CFAP61: variants seen among roughly 807,000 people sequenced by gnomAD.
CFAP61 encodes cilia and flagella associated protein 61, also known as cilia- and flagella-associated protein 61.
Under a neutral mutation model 135.6 loss-of-function variants are expected in CFAP61, and 107 were observed. The observed-to-expected ratio is 0.79, with a 90% confidence interval of 0.67 to 0.93. CFAP61 has a LOEUF of 0.93. Ranked by LOEUF, CFAP61 falls within the 40% of genes least tolerant of loss-of-function variation. The pLI is 0.00. For synonymous variants in CFAP61, 575 were observed against 578.5 expected (o/e 0.99, Z 0.09); for missense variants, 1,507 against 1,556.2 (o/e 0.97, Z 0.53).
chr20:20,257,209 TC>T lies in CFAP61; in HGVS notation c.2328+5447del, dbSNP rs2051683309. Among the ~76,000 whole-genome samples, 5 of 152,328 alleles carry T rather than the reference TC, an allele frequency of 3.3e-5. No homozygotes were observed. The South Asian group carries it at 1.0e-3, about 32-fold the overall frequency. ...GTAATTATGTGTCCACCTAAATCTC[TC>T]ATATTTGAAAATAGCAGGTAGCCAT... On this transcript the variant is annotated intron_variant, in intron 20 of 26. Coordinates refer to ENST00000245957, the MANE Select transcript of CFAP61 (RefSeq NM_015585.4).
chr20:20,236,663 A>C (rs187827246), intron 18 of CFAP61, among the ~76,000 whole-genome samples: 5 of 152,330 alleles, frequency 3.3e-5, no homozygotes, highest in African/African-American at 4.8e-5. Flanking sequence ...CCCAAGAAAA[A>C]ACCTGCCCAT....
chr20:20,303,898 A>T (rs902792711), intron 25 of CFAP61, among the ~76,000 whole-genome samples: 1 of 152,050 alleles, frequency 6.6e-6, no homozygotes, highest in Non-Finnish European at 1.5e-5. Flanking sequence ...AATCCTTTGG[A>T]TCCTTCCTCT....
chr20:20,228,536 C>A, intron 18 of CFAP61, 160 bp downstream of exon 18: 1 of 575,788 alleles, frequency 1.7e-6, no homozygotes, highest in Non-Finnish European at 3.0e-6. Flanking sequence ...TATTCTAGAT[C>A]AGGGGTTAGC....
chr20:20,071,630 C>A (rs1388284059), intron 3 of CFAP61, among the ~76,000 whole-genome samples: 1 of 152,146 alleles, frequency 6.6e-6, no homozygotes, highest in African/African-American at 2.4e-5. Flanking sequence ...CAACTCTGGG[C>A]AGCACCCTGG....
intron 8 of CFAP61, among the ~76,000 whole-genome samples, chr20:20,125,916 T>A (rs1216994429): frequency 6.6e-6 from 1 of 151,826 alleles, no homozygotes; most frequent in Non-Finnish European, 1.5e-5. Context: ...CATATATGTT[T>A]AGGATTGTGA....
At chr20:20,122,078 G>T (rs1421995747) in intron 8 of CFAP61, among the ~76,000 whole-genome samples, 1 of 151,846 alleles carries the variant, frequency 6.6e-6, no homozygotes, top group South Asian at 2.1e-4. Context: ...TACTCTATTT[G>T]TAGTCTTTTA....
At chr20:20,357,510 A>AGT (rs767606780) in intron 26 of CFAP61, among the ~76,000 whole-genome samples, 1 of 32,638 alleles carries the variant, frequency 3.1e-5, no homozygotes, top group Non-Finnish European at 6.2e-5. Flanking sequence ...AGGTGGTCAC[A>AGT]CTGAGGGGAG....
At chr20:20,234,607 T>C (rs1275482634) in intron 18 of CFAP61, among the ~76,000 whole-genome samples, 1 of 152,132 alleles carries the variant, frequency 6.6e-6, no homozygotes, top group Non-Finnish European at 1.5e-5. Flanking sequence ...GGGATGGAGA[T>C]AAGGTTAGAA....
At chr20:20,246,648 T>C (rs1398425833) in intron 19 of CFAP61, among the ~76,000 whole-genome samples, 1 of 152,248 alleles carries the variant, frequency 6.6e-6, no homozygotes. Flanking sequence ...TGGGTGAGCT[T>C]TATTGTCTTC....
At chr20:20,203,151 A>G (rs1212075699) in intron 17 of CFAP61, among the ~76,000 whole-genome samples, 1 of 152,030 alleles carries the variant, frequency 6.6e-6, no homozygotes, top group Non-Finnish European at 1.5e-5. Context: ...CTATTAATTG[A>G]CAGCCTACCC....
chr20:20,187,785 A>G (rs1369891993), intron 13 of CFAP61, 145 bp from the exon 14 acceptor site: 5 of 592,088 alleles, frequency 8.4e-6, no homozygotes, highest in East Asian at 5.9e-5. Context: ...AGTTACTTTT[A>G]TAATTACTCA....
At chr20:20,182,286 T>A (rs2055160384) in intron 13 of CFAP61, among the ~76,000 whole-genome samples, 1 of 152,146 alleles carries the variant, frequency 6.6e-6, no homozygotes, top group African/African-American at 2.4e-5. Context: ...AATTAAGGAT[T>A]TTAATTAGTG....
rs192238074 is a variant in CFAP61, at chr20:20,257,167, C to T, written c.2328+5404C>T. Reference sequence around the variant, plus strand: ...TGAAACTAATCCCACAGAATTTTGACGAAAAGTGGTGATTCAGTAATTATG... The same window carrying T: ...TGAAACTAATCCCACAGAATTTTGATGAAAAGTGGTGATTCAGTAATTATG... On this transcript the variant is annotated intron_variant, in intron 20 of 26. Transcript: ENST00000245957. 1.8e-3 allele frequency among the ~76,000 whole-genome samples: 272 copies of T among 152,236 alleles called. 1 individual carries two copies. The highest frequency in any genetic ancestry group is 9.3e-3 in the South Asian group (45 of 4,822).
intron 18 of CFAP61, among the ~76,000 whole-genome samples, chr20:20,242,709 TG>T (rs1347979999): frequency 2.0e-5 from 3 of 152,270 alleles, no homozygotes; most frequent in Non-Finnish European, 2.9e-5. Context: ...GAATGTGCCT[TG>T]GGCTCTGGAA....
chr20:20,170,819 A>G (rs1339661117), intron 13 of CFAP61, among the ~76,000 whole-genome samples: 1 of 152,224 alleles, frequency 6.6e-6, no homozygotes, highest in Non-Finnish European at 1.5e-5. Context: ...TCCTATGTGG[A>G]AAGATAGCTA....
At chr20:20,171,622 C>G (rs533112664) in intron 13 of CFAP61, among the ~76,000 whole-genome samples, 2 of 152,252 alleles carry the variant, frequency 1.3e-5, no homozygotes, top group Admixed American at 6.5e-5. Flanking sequence ...AATATTTACC[C>G]TACTTTGAAA....
intron 20 of CFAP61, among the ~76,000 whole-genome samples, chr20:20,261,671 T>TA (rs1266211673): frequency 2.0e-5 from 3 of 152,060 alleles, no homozygotes; most frequent in Non-Finnish European, 2.9e-5. Context: ...ACGAATATAA[T>TA]AAAAAATCAG....
chr20:20,104,053 G>A (rs986599423), intron 8 of CFAP61, among the ~76,000 whole-genome samples: 1 of 152,178 alleles, frequency 6.6e-6, no homozygotes. Flanking sequence ...CAAAGTCTCT[G>A]CAGAACTTGA....
chr20:20,070,537 A>G (rs530727120), intron 2 of CFAP61, among the ~76,000 whole-genome samples: 1 of 152,212 alleles, frequency 6.6e-6, no homozygotes, highest in Non-Finnish European at 1.5e-5. Context: ...TACTGGCAAC[A>G]TGGAGAGGAT....
Sources: gnomAD v4.1 joint callset for allele counts (sites outside exome capture counted in the v4.1 genomes callset) on GRCh38, gnomAD v4.1.1 for gene constraint, MANE v1.5 for transcripts, NCBI Gene and HGNC (gene_info 2026-07-23, HGNC 2026-07-21) for gene names.